Variants in GLRB observed in about 807,000 individuals in gnomAD.
GLRB encodes the protein glycine receptor subunit beta.
GLRB carries 33 observed loss-of-function variants against 54.2 expected under a neutral mutation model. The ratio of observed to expected loss-of-function variants is 0.61; its 90% confidence interval spans 0.46 to 0.81. The LOEUF is 0.81. GLRB is among the 40% of genes least tolerant of loss of function. The pLI is 0.00. For synonymous variants in GLRB, 209 were observed against 208.2 expected (o/e 1.00, Z -0.03); for missense variants, 572 against 584.6 (o/e 0.98, Z 0.22).
At chr4:157,077,609 C>T (rs188666569) in intron 1 of GLRB, among the ~76,000 whole-genome samples, 1 of 151,916 alleles carries the variant, frequency 6.6e-6, no homozygotes, top group Non-Finnish European at 1.5e-5. Flanking sequence ...CGAAGATAAT[C>T]ATTTTAACGC....
chr4:157,130,426 C>T (rs1484252867), intron 4 of GLRB, among the ~76,000 whole-genome samples: 2 of 151,344 alleles, frequency 1.3e-5, no homozygotes, highest in African/African-American at 4.8e-5. Flanking sequence ...AAGTGCTTAC[C>T]CTCCCAGGTA....
At chr4:157,119,153 T>A (rs1252867926) in intron 2 of GLRB, among the ~76,000 whole-genome samples, 2 of 151,530 alleles carry the variant, frequency 1.3e-5, no homozygotes, top group African/African-American at 2.4e-5. Flanking sequence ...TAATAAAGAG[T>A]TCATGACAAA....
chr4:157,107,592 A>G (rs953021275), intron 2 of GLRB, among the ~76,000 whole-genome samples: 1 of 152,076 alleles, frequency 6.6e-6, no homozygotes, highest in Non-Finnish European at 1.5e-5. Context: ...TATGAAGGCT[A>G]AGAGAAGTAA....
chr4:157,076,509 G>T (rs1052701739), intron 1 of GLRB: 3 of 151,832 alleles, frequency 2.0e-5, no homozygotes, highest in African/African-American at 7.2e-5. Flanking sequence ...GGTCCCCGCT[G>T]CGGTGGCGCC....
At chr4:157,126,336 C>T (rs1301351462) in intron 4 of GLRB, among the ~76,000 whole-genome samples, 1 of 151,696 alleles carries the variant, frequency 6.6e-6, no homozygotes, top group Non-Finnish European at 1.5e-5. Flanking sequence ...TATTAATATT[C>T]CTTAAGGTCT....
intron 6 of GLRB, 139 bp downstream of exon 6, chr4:157,137,025 G>A: frequency 1.6e-6 from 1 of 641,956 alleles, no homozygotes; most frequent in Admixed American, 2.6e-5. Flanking sequence ...TTTATTTAGG[G>A]AAATTATAGT....
intron 4 of GLRB, among the ~76,000 whole-genome samples, chr4:157,130,483 G>C (rs1333725424): frequency 2.6e-5 from 4 of 151,552 alleles, no homozygotes; most frequent in Non-Finnish European, 5.9e-5. Context: ...CCTGCTCTAA[G>C]TAATAATTTT....
intron 2 of GLRB, among the ~76,000 whole-genome samples, chr4:157,115,206 TCA>T (rs1329917090): frequency 6.6e-6 from 1 of 151,486 alleles, no homozygotes; most frequent in African/African-American, 2.4e-5. Flanking sequence ...GGGAACCCTC[TCA>T]GTTTGTTCCG....
chr4:157,119,898 A>G (rs1209105976), intron 2 of GLRB, among the ~76,000 whole-genome samples: 2 of 151,826 alleles, frequency 1.3e-5, no homozygotes, highest in Non-Finnish European at 2.9e-5. Context: ...TACACAAAGA[A>G]CTATAAATCA....
At chr4:157,092,206 G>A (rs1393796173) in intron 2 of GLRB, among the ~76,000 whole-genome samples, 6 of 152,066 alleles carry the variant, frequency 3.9e-5, no homozygotes, top group African/African-American at 1.4e-4. Flanking sequence ...TTTAATAGAT[G>A]GAAATGGTAT....
intron 2 of GLRB, among the ~76,000 whole-genome samples, chr4:157,118,755 C>A (rs1347869067): frequency 6.6e-6 from 1 of 151,512 alleles, no homozygotes; most frequent in Admixed American, 6.6e-5. Context: ...TCAGAAATGC[C>A]TAATAGATAA....
chr4:157,141,504 C>CT (rs528959799), intron 7 of GLRB, among the ~76,000 whole-genome samples: 1,715 of 151,706 alleles, frequency 0.011, 18 homozygotes, highest in Non-Finnish European at 0.017. Context: ...TAAAATTATG[C>CT]TTTTTTATGA....
chr4:157,146,322 G>A (rs1012500848), intron 8 of GLRB, among the ~76,000 whole-genome samples: 4 of 151,914 alleles, frequency 2.6e-5, no homozygotes, highest in Admixed American at 2.0e-4. Flanking sequence ...GCCGATTTTA[G>A]TTTTTATTCA....
chr4:157,133,524 G>A (rs910557163), intron 4 of GLRB, among the ~76,000 whole-genome samples: 1 of 151,806 alleles, frequency 6.6e-6, no homozygotes, highest in African/African-American at 2.4e-5. Flanking sequence ...TTTGACTGAT[G>A]TTCAATATCC....
At chr4:157,135,877 T>C (rs1445937220) in intron 4 of GLRB, among the ~76,000 whole-genome samples, 3 of 152,112 alleles carry the variant, frequency 2.0e-5, no homozygotes, top group Non-Finnish European at 4.4e-5. Context: ...TTGAAACTAA[T>C]GTGTGTTCCC....
chr4:157,140,730 C>A (rs542079632), intron 7 of GLRB, among the ~76,000 whole-genome samples: 5 of 151,876 alleles, frequency 3.3e-5, no homozygotes, highest in African/African-American at 1.2e-4. Context: ...CCTGTGGAGT[C>A]CTATTATAGT....
At chr4:157,108,294 A>G (rs1735296026) in intron 2 of GLRB, among the ~76,000 whole-genome samples, 1 of 152,172 alleles carries the variant, frequency 6.6e-6, no homozygotes, top group East Asian at 1.9e-4. Flanking sequence ...TATCATAGAT[A>G]GTAATTCCCC....
chr4:157,098,273 T>G (rs1200147565), intron 2 of GLRB, among the ~76,000 whole-genome samples: 1 of 152,222 alleles, frequency 6.6e-6, no homozygotes, highest in East Asian at 1.9e-4. Flanking sequence ...ACTATTTAAT[T>G]GTTATGAATA....
intron 2 of GLRB, among the ~76,000 whole-genome samples, chr4:157,103,236 C>T (rs1735103957): frequency 6.6e-6 from 1 of 151,864 alleles, no homozygotes; most frequent in Non-Finnish European, 1.5e-5. Flanking sequence ...TGTGAAACTG[C>T]CCAAAACCAG....
Sources: gnomAD v4.1 joint callset for allele counts (sites outside exome capture counted in the v4.1 genomes callset) on GRCh38, gnomAD v4.1.1 for gene constraint, MANE v1.5 for transcripts, NCBI Gene and HGNC (gene_info 2026-07-23, HGNC 2026-07-21) for gene names.